The following CD3E variants were observed in gnomAD, a reference collection of about 807,000 sequenced individuals.
CD3E encodes the protein CD3 epsilon subunit of T-cell receptor complex.
A neutral mutation model predicts 34.7 loss-of-function variants in CD3E; 16 were observed. The observed-to-expected ratio is 0.46, with a 90% CI of 0.31 to 0.70. The LOEUF (loss-of-function observed/expected upper bound fraction) is 0.70, where lower values mean the gene tolerates loss of function less well. CD3E is among the 30% of genes least tolerant of loss of function. The probability of loss-of-function intolerance (pLI) is 0.05; values close to 1 mark genes in which losing one functional copy is unlikely to be tolerated. For synonymous variants in CD3E, 70 were observed against 90.8 expected (o/e 0.77, Z 1.30); for missense variants, 223 against 253.9 (o/e 0.88, Z 0.83).
intron 5 of CD3E, 151 bp downstream of exon 5, chr11:118,312,321 G>T: frequency 1.2e-6 from 1 of 849,558 alleles, no homozygotes; most frequent in Non-Finnish European, 2.0e-6. Flanking sequence ...TCCAAATAGG[G>T]ACTTCTGTGG....
At position 118,313,577 on chromosome 11, in the gene CD3E, G is replaced by C. The variant is rs192946134; in HGVS notation, c.353-130G>C. ...AATGTTGTTCTAAACATATTGAAGG[G>C]GGGGCTCTGACCGTGGCAAGCGTGT... On this transcript the variant is annotated intron_variant, in intron 6 of 8. Coordinates refer to ENST00000361763, the MANE Select transcript of CD3E (RefSeq NM_000733.4). 217 of 834,958 alleles carry C rather than the reference G, an allele frequency of 2.6e-4. No homozygotes were observed. In the Middle Eastern group the frequency reaches 6.0e-3, roughly 23 times the overall value. The allele number at this position is 834,958 out of a possible 1,614,324, so 51.7% of individuals were successfully genotyped here.
chr11:118,312,368 C>G, intron 5 of CD3E, 198 bp downstream of exon 5: 4 of 729,436 alleles, frequency 5.5e-6, no homozygotes, highest in Non-Finnish European at 9.6e-6. Flanking sequence ...TCCCAAGTCC[C>G]CATGTCCCTG....
chr11:118,309,297 C>G (rs762789449), intron 4 of CD3E, among the ~76,000 whole-genome samples: 1 of 152,092 alleles, frequency 6.6e-6, no homozygotes, highest in African/African-American at 2.4e-5. Context: ...GTAGGAGGGC[C>G]GGGCATGGTG....
intron 4 of CD3E, among the ~76,000 whole-genome samples, chr11:118,309,665 T>C (rs1391301022): frequency 6.6e-6 from 1 of 152,230 alleles, no homozygotes; most frequent in Non-Finnish European, 1.5e-5. Flanking sequence ...AGCATTAAAG[T>C]TTACTGAGCA....
At chr11:118,312,430 C>A in intron 5 of CD3E, 188 bp from the exon 6 acceptor site, 3 of 751,366 alleles carry the variant, frequency 4.0e-6, no homozygotes, top group Admixed American at 2.4e-5. Flanking sequence ...CTTCAAGGTT[C>A]TCTAGTTCCC....
At chr11:118,308,560 T>C (rs981887449) in intron 4 of CD3E, 119 bp downstream of exon 4, 9 of 734,300 alleles carry the variant, frequency 1.2e-5, no homozygotes, top group Non-Finnish European at 2.2e-5. Flanking sequence ...AATACAAGTA[T>C]CTTTCAATGG....
chr11:118,308,346 A>G, intron 3 of CD3E, 81 bp from the exon 4 acceptor site: 1 of 996,278 alleles, frequency 1.0e-6, no homozygotes, highest in Non-Finnish European at 1.6e-6. Flanking sequence ...TTGAGGGAAG[A>G]GTCCCAACCC....
At chr11:118,308,505 A>G in intron 4 of CD3E, 64 bp downstream of exon 4, 2 of 1,024,900 alleles carry the variant, frequency 2.0e-6, no homozygotes, top group African/African-American at 3.1e-5. Context: ...CTCATAGAGT[A>G]CAATCACAGT....
rs529037971 is a variant in CD3E at position 118,315,369 on chromosome 11, C to A, written c.568-117C>A. ...CATGCCAAATTAGAATTCCAGCCTG[C>A]CTCCTGACTTCAAGTCCAAAGTTCT... is the stretch of plus-strand genomic sequence containing the variant. On this transcript the variant is annotated intron_variant, in intron 8 of 8. Coordinates refer to ENST00000361763, the MANE Select transcript of CD3E (RefSeq NM_000733.4). 40 of 820,174 alleles carry A rather than the reference C, an allele frequency of 4.9e-5. No individual in the cohort carries two copies. The Admixed American group carries it at 5.6e-4, about 12-fold the overall frequency. 50.8% of individuals were successfully genotyped at this position (820,174 alleles called of 1,614,324 possible).
chr11:118,314,583 C>T, intron 8 of CD3E, 89 bp downstream of exon 8: 1 of 1,211,754 alleles, frequency 8.3e-7, no homozygotes. Flanking sequence ...TCTTGTCTGC[C>T]AGATGCCTCA....
intron 2 of CD3E, 137 bp downstream of exon 2, chr11:118,305,138 G>C: frequency 2.2e-6 from 2 of 891,206 alleles, no homozygotes; most frequent in East Asian, 2.4e-5. Flanking sequence ...GTTAGGGTGA[G>C]GGATTAGAGC....
chr11:118,314,341 G>A, intron 7 of CD3E, 107 bp from the exon 8 acceptor site: 1 of 890,978 alleles, frequency 1.1e-6, no homozygotes, highest in South Asian at 1.4e-5. Flanking sequence ...CGGTAGAGGA[G>A]AGAACAATGG....
At chr11:118,315,325 G>A (rs375023083) in intron 8 of CD3E, among the ~76,000 whole-genome samples, 161 bp from the exon 9 acceptor site, 1 of 152,096 alleles carries the variant, frequency 6.6e-6, no homozygotes, top group African/African-American at 2.4e-5. Flanking sequence ...GAGGTGACCA[G>A]CTCAAGTCTC....
At chr11:118,314,114 C>T (rs1215369701) in intron 7 of CD3E, among the ~76,000 whole-genome samples, 2 of 152,102 alleles carry the variant, frequency 1.3e-5, no homozygotes, top group Non-Finnish European at 2.9e-5. Context: ...CCTCACATAC[C>T]TGTCAATGCC....
intron 6 of CD3E, chr11:118,313,368 C>A: frequency 2.5e-6 from 1 of 397,332 alleles, no homozygotes. Flanking sequence ...ATGTAATCCT[C>A]TCAACAACTA....
chr11:118,308,552 T>C (rs1948120030), intron 4 of CD3E, 111 bp downstream of exon 4: 6 of 757,058 alleles, frequency 7.9e-6, no homozygotes, highest in African/African-American at 1.7e-5. Context: ...AAAGGGAAAA[T>C]ACAAGTATCT....
chr11:118,312,315 A>T, intron 5 of CD3E, 145 bp downstream of exon 5: 1 of 870,014 alleles, frequency 1.1e-6, no homozygotes, highest in South Asian at 1.3e-5. Context: ...AAAGGTTCCA[A>T]ATAGGGACTT....
Position 118,304,756 on chromosome 11 carries a change from A to G in CD3E, c.-80A>G. 1 of 651,296 alleles carries G rather than the reference A, an allele frequency of 1.5e-6. No individual in the cohort carries two copies. Among genetic ancestry groups the G allele is most frequent in the South Asian group, 1.6e-5 (1 of 62,676 alleles). The allele number at this position is 651,296 out of a possible 1,614,324, so 40.3% of individuals were successfully genotyped here. ...GAAACCCTCCTCCCCTCCCAGCCTC[A>G]GGTGCCTGCTTCAGAAAATGGTGAG... On this transcript the variant is annotated 5_prime_UTR_variant, in exon 1 of 9. Coordinates refer to ENST00000361763, the MANE Select transcript of CD3E (RefSeq NM_000733.4).
intron 4 of CD3E, among the ~76,000 whole-genome samples, chr11:118,310,775 T>C (rs1948131430): frequency 6.6e-6 from 1 of 152,264 alleles, no homozygotes; most frequent in Non-Finnish European, 1.5e-5. Context: ...TCATTTAACA[T>C]GTCTAAGAAA....
Sources: gnomAD v4.1 joint callset for allele counts (sites outside exome capture counted in the v4.1 genomes callset) on GRCh38, gnomAD v4.1.1 for gene constraint, MANE v1.5 for transcripts, NCBI Gene and HGNC (gene_info 2026-07-23, HGNC 2026-07-21) for gene names.